Variants in EML1 observed in about 807,000 individuals in gnomAD.
The protein encoded by EML1 is EMAP like 1, also known as echinoderm microtubule-associated protein-like 1.
In EML1, 27 loss-of-function variants were observed where a neutral mutation model predicts 110.4. The ratio of observed to expected loss-of-function variants is 0.24; its 90% confidence interval spans 0.18 to 0.34. The LOEUF is 0.34. Among genes scored for constraint, EML1 ranks in the 10% least tolerant of loss-of-function variants. EML1 has a pLI of 1.00. For missense variants in EML1, 741 were observed against 1,030.9 expected, an observed-to-expected ratio of 0.72 and a Z score of 3.85; for synonymous variants, 344 against 385.8, an observed-to-expected ratio of 0.89 and a Z score of 1.27.
intron 17 of EML1, among the ~76,000 whole-genome samples, chr14:99,922,803 A>G (rs1296358169): frequency 6.6e-6 from 1 of 152,188 alleles, no homozygotes; most frequent in Non-Finnish European, 1.5e-5. Context: ...TGAAATATCT[A>G]TTCAGATATT....
At chr14:99,742,544 C>A (rs574200733) in intron 1 of EML1, among the ~76,000 whole-genome samples, 10 of 152,144 alleles carry the variant, frequency 6.6e-5, no homozygotes, top group Non-Finnish European at 1.3e-4. Context: ...ACAGGGAGAT[C>A]TGGCAACTGC....
intron 3 of EML1, among the ~76,000 whole-genome samples, chr14:99,873,626 C>T (rs757754627): frequency 6.6e-6 from 1 of 152,100 alleles, no homozygotes; most frequent in Non-Finnish European, 1.5e-5. Context: ...CCCACTAGCT[C>T]GAGTAGTTGA....
chr14:99,843,276 T>C (rs1230182904), intron 1 of EML1, among the ~76,000 whole-genome samples: 1 of 152,004 alleles, frequency 6.6e-6, no homozygotes, highest in African/African-American at 2.4e-5. Flanking sequence ...AATGCATGAG[T>C]CTATGCTACA....
chr14:99,909,588 C>T lies in EML1; in HGVS notation c.1239+109C>T, dbSNP rs2059912647. On this transcript the variant is annotated intron_variant, in intron 11 of 21. Transcript: ENST00000262233. ...CAACACAATCCCTTGGGATCCCTCA[C>T]ATAGTTGGGAAGCGTGTCACACCTG... 2.8e-6 allele frequency: 4 copies of T among 1,414,694 alleles called. No individual in the cohort carries two copies. In the East Asian group the frequency reaches 6.9e-5, roughly 24 times the overall value. The allele number at this position is 1,414,694 out of a possible 1,614,324, so 87.6% of individuals were successfully genotyped here.
At chr14:99,832,494 A>C (rs1363326680) in intron 1 of EML1, among the ~76,000 whole-genome samples, 1 of 152,200 alleles carries the variant, frequency 6.6e-6, no homozygotes, top group Non-Finnish European at 1.5e-5. Context: ...CATGTCAGAG[A>C]TGCAATTGCT....
intron 17 of EML1, among the ~76,000 whole-genome samples, chr14:99,923,659 C>T: frequency 3.8e-5 from 2 of 52,316 alleles, no homozygotes; most frequent in African/African-American, 9.8e-4. Flanking sequence ...CTGTGTTTAT[C>T]CCCGATTACT....
chr14:99,838,840 A>G (rs954182679), intron 1 of EML1, among the ~76,000 whole-genome samples: 2 of 151,532 alleles, frequency 1.3e-5, no homozygotes, highest in African/African-American at 2.4e-5. Context: ...GCTATCAACA[A>G]TCTTCAAGTG....
chr14:99,891,086 C>T lies in EML1; in HGVS notation c.519-113C>T, dbSNP rs935846592. On this transcript the variant is annotated intron_variant, in intron 4 of 21. Transcript: ENST00000262233. Reference sequence around the variant, plus strand: ...GTGTTTTTCTTATTAACGTGTATAACTTATGCAGCATTTGTGTGGCAGACT... The same window carrying T: ...GTGTTTTTCTTATTAACGTGTATAATTTATGCAGCATTTGTGTGGCAGACT... The T allele has an allele frequency of 2.2e-5, 27 of 1,226,000 alleles. No homozygotes were observed. The African/African-American group carries it at 3.9e-4, about 18-fold the overall frequency. 75.9% of individuals were successfully genotyped at this position (1,226,000 alleles called of 1,614,324 possible).
chr14:99,819,943 C>CT (rs1263894598), intron 1 of EML1, among the ~76,000 whole-genome samples: 2 of 152,200 alleles, frequency 1.3e-5, no homozygotes, highest in African/African-American at 4.8e-5. Context: ...AATAAAATGA[C>CT]TCTTAGCCCT....
chr14:99,796,606 C>T (rs966759088), intron 1 of EML1, among the ~76,000 whole-genome samples: 3 of 151,108 alleles, frequency 2.0e-5, no homozygotes, highest in African/African-American at 2.4e-5. Flanking sequence ...AGTCCTACCT[C>T]AGTCTCTCAA....
chr14:99,857,403 ATGAC>A (rs1457421544), intron 2 of EML1, among the ~76,000 whole-genome samples: 4 of 152,232 alleles, frequency 2.6e-5, no homozygotes, highest in Non-Finnish European at 4.4e-5. Flanking sequence ...TGTCCAATGA[ATGAC>A]TTTTTAATAG....
At chr14:99,751,667 T>C (rs2057176923) in intron 1 of EML1, among the ~76,000 whole-genome samples, 1 of 152,092 alleles carries the variant, frequency 6.6e-6, no homozygotes, top group Non-Finnish European at 1.5e-5. Context: ...GACCGGGCCA[T>C]GGAGCTTCTG....
chr14:99,749,750 C>T (rs2057154120), intron 1 of EML1, among the ~76,000 whole-genome samples: 1 of 152,260 alleles, frequency 6.6e-6, no homozygotes, highest in Admixed American at 6.5e-5. Context: ...TCTGCTGGAG[C>T]TCTGATGCTC....
At chr14:99,898,134 A>C in intron 7 of EML1, 99 bp from the exon 8 acceptor site, 1 of 960,984 alleles carries the variant, frequency 1.0e-6, no homozygotes, top group Non-Finnish European at 1.5e-6. Flanking sequence ...GGCATTATAT[A>C]TTTCTTATAT....
At chr14:99,935,469 GAA>G (rs796960608) in intron 17 of EML1, among the ~76,000 whole-genome samples, 1 of 139,104 alleles carries the variant, frequency 7.2e-6, no homozygotes, top group Non-Finnish European at 1.6e-5. Context: ...TGTCTCAAAA[GAA>G]AAAAAAAAAG....
chr14:99,761,694 G>A (rs1313654017), intron 1 of EML1, among the ~76,000 whole-genome samples: 2 of 152,110 alleles, frequency 1.3e-5, no homozygotes, highest in Admixed American at 1.3e-4. Context: ...GGAGGCCGAG[G>A]TGGGAGGATC....
At chr14:99,935,983 A>G in intron 17 of EML1, 46 bp from the exon 18 acceptor site, 1 of 1,563,516 alleles carries the variant, frequency 6.4e-7, no homozygotes, top group African/African-American at 1.4e-5. Context: ...AACGAACAAA[A>G]TGTGTATTGT....
intron 2 of EML1, among the ~76,000 whole-genome samples, chr14:99,856,462 T>A (rs1331156538): frequency 6.6e-6 from 1 of 152,232 alleles, no homozygotes; most frequent in Non-Finnish European, 1.5e-5. Context: ...ATTTTTAAGC[T>A]CTTGGCAGTC....
At chr14:99,821,634 C>G (rs1303191170) in intron 1 of EML1, among the ~76,000 whole-genome samples, 2 of 152,228 alleles carry the variant, frequency 1.3e-5, no homozygotes, top group African/African-American at 4.8e-5. Context: ...ATCCAGGGCT[C>G]TTTCCATTTG....
Sources: allele counts gnomAD v4.1 joint callset (sites outside exome capture counted in the v4.1 genomes callset), GRCh38; gene constraint gnomAD v4.1.1; transcripts MANE v1.5; gene names NCBI Gene and HGNC (gene_info 2026-07-23, HGNC 2026-07-21).